CDADC1: variants seen among roughly 807,000 people sequenced by gnomAD.
CDADC1 encodes the protein cytidine and dCMP deaminase domain containing 1.
In CDADC1, 39 loss-of-function variants were observed where a neutral mutation model predicts 54.9. That is an observed-to-expected ratio of 0.71 (90% CI 0.55 to 0.93). The LOEUF (loss-of-function observed/expected upper bound fraction) is 0.93, where lower values mean the gene tolerates loss of function less well. Ranked by LOEUF, CDADC1 falls within the 40% of genes least tolerant of loss-of-function variation. The pLI is 0.00. For synonymous variants in CDADC1, 186 were observed against 204.0 expected (o/e 0.91, Z 0.75); for missense variants, 518 against 618.8 (o/e 0.84, Z 1.73).
At chr13:49,261,326 T>C (rs1414197219) in intron 4 of CDADC1, among the ~76,000 whole-genome samples, 2 of 152,308 alleles carry the variant, frequency 1.3e-5, no homozygotes, top group Non-Finnish European at 2.9e-5. Flanking sequence ...GTGGTAGTGA[T>C]TGGATTCTAT....
At chr13:49,284,642 T>C (rs1953452838) in intron 8 of CDADC1, among the ~76,000 whole-genome samples, 1 of 152,240 alleles carries the variant, frequency 6.6e-6, no homozygotes, top group African/African-American at 2.4e-5. Context: ...TTCTAAGTCT[T>C]CTCTCTTTCT....
At chr13:49,279,926 G>C (rs1240754533) in intron 7 of CDADC1, among the ~76,000 whole-genome samples, 1 of 152,194 alleles carries the variant, frequency 6.6e-6, no homozygotes, top group Non-Finnish European at 1.5e-5. Context: ...ACAGAGGTGT[G>C]AATATATCAA....
At chr13:49,283,409 T>A (rs1953409056) in intron 8 of CDADC1, among the ~76,000 whole-genome samples, 1 of 152,076 alleles carries the variant, frequency 6.6e-6, no homozygotes. Context: ...CAATAAAAGC[T>A]TATATCCAAC....
chr13:49,274,052 A>G (rs990079976), intron 5 of CDADC1, among the ~76,000 whole-genome samples: 1 of 152,166 alleles, frequency 6.6e-6, no homozygotes, highest in African/African-American at 2.4e-5. Context: ...AGTGGCCTCC[A>G]CATACGTATG....
At chr13:49,270,137 A>G (rs1443175797) in intron 5 of CDADC1, among the ~76,000 whole-genome samples, 2 of 152,236 alleles carry the variant, frequency 1.3e-5, no homozygotes, top group Non-Finnish European at 2.9e-5. Context: ...GGATAAAACA[A>G]ATCTTTTTAT....
Position 49,291,836 on chromosome 13 carries a change from A to G in CDADC1, c.*79A>G, listed in dbSNP as rs534506125. On this transcript the variant is annotated 3_prime_UTR_variant, in exon 10 of 10. Coordinates refer to ENST00000251108, the MANE Select transcript of CDADC1 (RefSeq NM_030911.4). ...AAATTCAGCCTTGTTCATTCAGAAA[A>G]TAAGGATGGATTTTGTGAATAATTG... The G allele has an allele frequency of 6.5e-7, 1 of 1,529,412 alleles. No homozygotes were observed. The highest frequency in any genetic ancestry group is 1.3e-5 in the South Asian group (1 of 78,886). 94.7% of individuals were successfully genotyped at this position (1,529,412 alleles called of 1,614,324 possible).
intron 9 of CDADC1, among the ~76,000 whole-genome samples, chr13:49,290,107 GTTA>G (rs1306697050): frequency 6.6e-6 from 1 of 151,754 alleles, no homozygotes; most frequent in Non-Finnish European, 1.5e-5. Flanking sequence ...ATACAGTAAA[GTTA>G]TTGTTAAGAA....
intron 7 of CDADC1, among the ~76,000 whole-genome samples, chr13:49,278,891 C>G (rs1013235808): frequency 4.6e-5 from 7 of 152,218 alleles, no homozygotes; most frequent in African/African-American, 1.7e-4. Context: ...CACAGAAAGA[C>G]ATTTTGAGCA....
intron 6 of CDADC1, among the ~76,000 whole-genome samples, chr13:49,275,758 G>T (rs1953111710): frequency 7.4e-5 from 8 of 108,088 alleles, no homozygotes; most frequent in South Asian, 3.3e-4. Context: ...GAGAGAGAGA[G>T]AGAGAGAGAG....
At chr13:49,277,618 A>T (rs151023148) in intron 6 of CDADC1, among the ~76,000 whole-genome samples, 51 of 152,252 alleles carry the variant, frequency 3.3e-4, no homozygotes, top group African/African-American at 1.1e-3. Flanking sequence ...AATATATTGA[A>T]ATTTAATGAG....
chr13:49,281,104 G>T (rs1339944686), intron 8 of CDADC1, among the ~76,000 whole-genome samples: 3 of 152,076 alleles, frequency 2.0e-5, no homozygotes, highest in Non-Finnish European at 4.4e-5. Flanking sequence ...AAAGTGCTGG[G>T]ATTACAGGCG....
intron 4 of CDADC1, chr13:49,265,759 C>T (rs2138216255): frequency 3.8e-6 from 3 of 781,820 alleles, no homozygotes; most frequent in East Asian, 1.7e-4. Context: ...TTGGAGTCCT[C>T]AATAATTTTT....
chr13:49,268,276 A>T (rs1952874354), intron 5 of CDADC1, among the ~76,000 whole-genome samples: 2 of 151,930 alleles, frequency 1.3e-5, no homozygotes, highest in Admixed American at 1.3e-4. Context: ...ACATTTCTAC[A>T]TCAGGCCCTC....
At chr13:49,288,899 A>G (rs932393243) in intron 9 of CDADC1, among the ~76,000 whole-genome samples, 1 of 152,176 alleles carries the variant, frequency 6.6e-6, no homozygotes, top group African/African-American at 2.4e-5. Flanking sequence ...ATAAGAAGGC[A>G]TTTTGCTAGA....
At chr13:49,274,500 A>G (rs992156970) in intron 6 of CDADC1, among the ~76,000 whole-genome samples, 160 bp downstream of exon 6, 1 of 138,206 alleles carries the variant, frequency 7.2e-6, no homozygotes, top group African/African-American at 2.7e-5. Flanking sequence ...CATCTCTACT[A>G]AAAAAAAAAA....
In CDADC1 at chr13:49,288,443, G is replaced by A. The variant is rs902861117; in HGVS notation, c.1471+2161G>A. ...TCATTATCTGAGAAAGAAGTCTCAT[G>A]CCTATTTGCAGTCACTCCCCATTCT... On this transcript the variant is annotated intron_variant, in intron 9 of 9. Transcript: ENST00000251108. Among the ~76,000 whole-genome samples the A allele has an allele frequency of 3.9e-5, 6 of 152,272 alleles. No individual in the cohort carries two copies. In the South Asian group the frequency reaches 1.2e-3, roughly 32 times the overall value.
chr13:49,286,231 A>C lies in CDADC1; in HGVS notation c.1420A>C (p.Asn474His), dbSNP rs754621429. Residue 474 changes from asparagine (N) to histidine (H), a missense_variant, in exon 9 of 10, where the codon AAT becomes CAT. Coordinates refer to ENST00000251108, the MANE Select transcript of CDADC1 (RefSeq NM_030911.4). ...TTGTGCACTCTTACAGTGGCAGCTG[A>C]ATCCATCAGGAGCTTATGGTCTTGA... The part of the protein sequence containing the change: ...EGVSKFTWQL[N>H]PSGAYGLEQN... 1 of 1,613,468 alleles carries C rather than the reference A, an allele frequency of 6.2e-7. No homozygotes were observed. The highest frequency in any genetic ancestry group is 8.5e-7 in the Non-Finnish European group (1 of 1,179,388).
At chr13:49,274,414 C>T in intron 6 of CDADC1, 74 bp downstream of exon 6, 2 of 1,199,608 alleles carry the variant, frequency 1.7e-6, no homozygotes, top group Non-Finnish European at 2.4e-6. Flanking sequence ...CGGTGCATTA[C>T]AGGTTACTGA....
At chr13:49,290,953 G>A (rs1297119511) in intron 9 of CDADC1, among the ~76,000 whole-genome samples, 1 of 152,124 alleles carries the variant, frequency 6.6e-6, no homozygotes, top group African/African-American at 2.4e-5. Context: ...GCCAGGAAGA[G>A]GTTGAAGCCA....
Sources: allele counts gnomAD v4.1 joint callset (sites outside exome capture counted in the v4.1 genomes callset), GRCh38; gene constraint gnomAD v4.1.1; transcripts MANE v1.5; gene names NCBI Gene and HGNC (gene_info 2026-07-23, HGNC 2026-07-21).